Variants in LSAMP observed in about 807,000 individuals in gnomAD.
The protein encoded by LSAMP is limbic system associated membrane protein.
A neutral mutation model predicts 38.6 loss-of-function variants in LSAMP; 7 were observed. The observed-to-expected ratio is 0.18, with a 90% CI of 0.10 to 0.34. The LOEUF is 0.34. Ranked by LOEUF, LSAMP falls within the 10% of genes least tolerant of loss-of-function variation. The probability of loss-of-function intolerance (pLI) is 1.00; values close to 1 mark genes in which losing one functional copy is unlikely to be tolerated. For missense variants in LSAMP, 313 were observed against 420.0 expected (o/e 0.75, Z 2.23); for synonymous variants, 154 against 166.8 (o/e 0.92, Z 0.59).
At chr3:116,043,217 T>C (rs79654946) in intron 2 of LSAMP, among the ~76,000 whole-genome samples, 2 of 152,312 alleles carry the variant, frequency 1.3e-5, no homozygotes, top group East Asian at 3.9e-4. Context: ...TCTCTGGTTA[T>C]CATATGCTTT....
At chr3:116,346,988 T>C (rs761196733) in intron 1 of LSAMP, among the ~76,000 whole-genome samples, 3 of 152,224 alleles carry the variant, frequency 2.0e-5, no homozygotes, top group Non-Finnish European at 4.4e-5. Flanking sequence ...AATGATTTAT[T>C]TATGTAATTT....
chr3:116,109,793 C>T (rs1708556788), intron 1 of LSAMP, among the ~76,000 whole-genome samples: 1 of 148,470 alleles, frequency 6.7e-6, no homozygotes, highest in African/African-American at 2.5e-5. Context: ...GTGAAGGAGG[C>T]AAACCTAGAG....
chr3:115,902,136 G>C (rs779884505), intron 3 of LSAMP, among the ~76,000 whole-genome samples: 2 of 152,028 alleles, frequency 1.3e-5, no homozygotes, highest in Non-Finnish European at 2.9e-5. Context: ...ATAACATTAA[G>C]TGTTTATATT....
At chr3:116,373,942 C>G (rs1037934080) in intron 1 of LSAMP, among the ~76,000 whole-genome samples, 1 of 151,852 alleles carries the variant, frequency 6.6e-6, no homozygotes, top group African/African-American at 2.4e-5. Flanking sequence ...TGATCAAAGA[C>G]AGTATCTGCA....
chr3:115,861,464 A>T (rs187549858), intron 3 of LSAMP, among the ~76,000 whole-genome samples: 25 of 152,058 alleles, frequency 1.6e-4, no homozygotes, highest in Admixed American at 3.3e-4. Context: ...AATGATGTTG[A>T]GAAGGATTCT....
chr3:116,152,891 A>G (rs1451506210), intron 1 of LSAMP, among the ~76,000 whole-genome samples: 1 of 152,086 alleles, frequency 6.6e-6, no homozygotes, highest in Non-Finnish European at 1.5e-5. Flanking sequence ...TTCACTAATC[A>G]TTACTTACAC....
intron 1 of LSAMP, among the ~76,000 whole-genome samples, chr3:116,414,353 C>T (rs1328127844): frequency 6.6e-6 from 1 of 152,112 alleles, no homozygotes; most frequent in Admixed American, 6.6e-5. Context: ...CACATCCATC[C>T]TCTGTATTTT....
intron 3 of LSAMP, among the ~76,000 whole-genome samples, chr3:115,992,873 G>T (rs1424154927): frequency 6.6e-6 from 1 of 152,096 alleles, no homozygotes; most frequent in Non-Finnish European, 1.5e-5. Context: ...TCCCTTGGAT[G>T]CTGGCTGTCT....
At chr3:116,369,075 A>T (rs1345535317) in intron 1 of LSAMP, among the ~76,000 whole-genome samples, 1 of 152,198 alleles carries the variant, frequency 6.6e-6, no homozygotes, top group African/African-American at 2.4e-5. Flanking sequence ...TTATAGAAGA[A>T]ATAATTGTAT....
intron 1 of LSAMP, among the ~76,000 whole-genome samples, chr3:116,399,150 T>C (rs560628074): frequency 6.6e-6 from 1 of 152,224 alleles, no homozygotes; most frequent in South Asian, 2.1e-4. Context: ...GAGAGTTATG[T>C]AAGCAGGAGC....
rs142599733 is a variant in LSAMP at position 116,105,304 on chromosome 3, C to T, written c.156-18748G>A. On this transcript the variant is annotated intron_variant, in intron 1 of 6. Coordinates refer to ENST00000490035, the MANE Select transcript of LSAMP (RefSeq NM_002338.5). Reference sequence around the variant, plus strand: ...AGCATGATGTGAGAGGACTAACTGCCGCAAAGACCTTCCAGCTTCTCCAGC... The same window carrying T: ...AGCATGATGTGAGAGGACTAACTGCTGCAAAGACCTTCCAGCTTCTCCAGC... Among the ~76,000 whole-genome samples the T allele has an allele frequency of 1.0e-3, 157 of 152,238 alleles. 1 individual carries two copies. Among genetic ancestry groups the T allele is most frequent in the African/African-American group, 3.3e-3 (139 of 41,534 alleles).
intron 6 of LSAMP, among the ~76,000 whole-genome samples, chr3:115,822,407 C>T (rs1934272528): frequency 7.2e-6 from 1 of 139,400 alleles, no homozygotes. Flanking sequence ...TTTGCCCAGG[C>T]TGGAGTGCAA....
chr3:116,354,827 C>G (rs944423420), intron 1 of LSAMP, among the ~76,000 whole-genome samples: 2 of 144,686 alleles, frequency 1.4e-5, no homozygotes, highest in Non-Finnish European at 3.0e-5. Flanking sequence ...CTCTCTGTCT[C>G]TCTCTCTGGG....
intron 1 of LSAMP, among the ~76,000 whole-genome samples, chr3:116,235,905 C>T (rs1261968229): frequency 2.0e-5 from 3 of 152,110 alleles, no homozygotes; most frequent in South Asian, 2.1e-4. Context: ...TAATTTCTAG[C>T]GTTATGATCT....
intron 3 of LSAMP, among the ~76,000 whole-genome samples, chr3:115,942,055 A>G (rs952741730): frequency 5.9e-5 from 9 of 152,092 alleles, no homozygotes; most frequent in Admixed American, 2.6e-4. Context: ...CAATTACTTG[A>G]CAATTGTTTT....
At chr3:116,359,810 C>A (rs369774986) in intron 1 of LSAMP, among the ~76,000 whole-genome samples, 1 of 152,038 alleles carries the variant, frequency 6.6e-6, no homozygotes, top group South Asian at 2.1e-4. Flanking sequence ...CTTCCTTATA[C>A]CATATTCAAA....
intron 1 of LSAMP, among the ~76,000 whole-genome samples, chr3:116,218,734 G>T (rs1239909678): frequency 6.6e-6 from 1 of 152,158 alleles, no homozygotes; most frequent in East Asian, 1.9e-4. Flanking sequence ...AAATTCCTGG[G>T]CTGAAGTGAA....
At chr3:116,409,021 C>G (rs1298363297) in intron 1 of LSAMP, among the ~76,000 whole-genome samples, 2 of 151,966 alleles carry the variant, frequency 1.3e-5, no homozygotes, top group Non-Finnish European at 2.9e-5. Context: ...ATTGGTTTCC[C>G]CATCTGAGCA....
At chr3:116,285,430 G>A (rs1466391615) in intron 1 of LSAMP, among the ~76,000 whole-genome samples, 3 of 151,990 alleles carry the variant, frequency 2.0e-5, no homozygotes, top group Non-Finnish European at 2.9e-5. Context: ...GGTAACCTTC[G>A]TAAATGTCAT....
Sources: allele counts gnomAD v4.1 joint callset (sites outside exome capture counted in the v4.1 genomes callset), GRCh38; gene constraint gnomAD v4.1.1; transcripts MANE v1.5; gene names NCBI Gene and HGNC (gene_info 2026-07-23, HGNC 2026-07-21).